FLNB: variants seen among roughly 807,000 people sequenced by gnomAD.
FLNB encodes filamin-B.
A neutral mutation model predicts 250.6 loss-of-function variants in FLNB; 111 were observed. That is an observed-to-expected ratio of 0.44 (90% CI 0.38 to 0.52). FLNB has a LOEUF of 0.52. Among genes scored for constraint, FLNB ranks in the 20% least tolerant of loss-of-function variants. FLNB has a pLI of 0.00. For missense variants in FLNB, 2,869 were observed against 3,447.8 expected (o/e 0.83, Z 4.20); for synonymous variants, 1,302 against 1,372.1 (o/e 0.95, Z 1.13).
At position 58,108,414 on chromosome 3, in the gene FLNB, G is replaced by C. The variant is rs762367643; in HGVS notation, c.1942-44G>C. On this transcript the variant is annotated intron_variant, in intron 12 of 45. Transcript: ENST00000295956. The stretch of plus-strand genomic sequence containing the variant: ...CCTGTCTTTGTATAAGGGTTTAGTT[G>C]GGGCATTACACAGAAAGAGACTTAC... 4.0e-6 allele frequency: 5 copies of C among 1,249,116 alleles called. No homozygotes were observed. The African/African-American group carries it at 4.4e-5, about 11-fold the overall frequency. 77.4% of individuals were successfully genotyped at this position (1,249,116 alleles called of 1,614,324 possible).
chr3:58,034,848 C>T (rs1434640432), intron 1 of FLNB, among the ~76,000 whole-genome samples: 2 of 152,126 alleles, frequency 1.3e-5, no homozygotes, highest in African/African-American at 4.8e-5. Flanking sequence ...CGCAGCCACA[C>T]CCCACACCTC....
chr3:58,030,286 C>T (rs1183933636), intron 1 of FLNB, among the ~76,000 whole-genome samples: 1 of 152,134 alleles, frequency 6.6e-6, no homozygotes, highest in Non-Finnish European at 1.5e-5. Context: ...TGAAAACTGG[C>T]TCACATAGAA....
Position 58,112,198 on chromosome 3 carries a change from T to G in FLNB, c.2625T>G (p.Ala875=). The change falls in exon 18 of 46, where the codon GCT becomes GCG. Residue 875 remains alanine (A), a synonymous_variant. Coordinates refer to ENST00000295956, the MANE Select transcript of FLNB (RefSeq NM_001457.4). The stretch of plus-strand genomic sequence containing the variant: ...ACTTCACTGTCTACACCAAGGGGGC[T>G]GGGAAAGCCCCGCTCAACGTGCAGT... The part of the protein sequence containing the change: ...PTHFTVYTKG[A]GKAPLNVQFN... The G allele has an allele frequency of 6.2e-7, 1 of 1,614,214 alleles. No individual in the cohort carries two copies. Among genetic ancestry groups the G allele is most frequent in the South Asian group, 1.1e-5 (1 of 91,086 alleles).
At chr3:58,028,473 T>C (rs2097126423) in intron 1 of FLNB, among the ~76,000 whole-genome samples, 1 of 151,836 alleles carries the variant, frequency 6.6e-6, no homozygotes, top group Non-Finnish European at 1.5e-5. Flanking sequence ...TAAAGTTGTG[T>C]TGGCTGGGTG....
intron 32 of FLNB, among the ~76,000 whole-genome samples, chr3:58,145,630 T>G (rs1275293569): frequency 6.6e-6 from 1 of 152,186 alleles, no homozygotes; most frequent in Non-Finnish European, 1.5e-5. Flanking sequence ...GTTTCTTCCT[T>G]ATTTGTCAGG....
intron 1 of FLNB, among the ~76,000 whole-genome samples, chr3:58,075,589 G>A (rs952214649): frequency 6.6e-6 from 1 of 152,128 alleles, no homozygotes; most frequent in South Asian, 2.1e-4. Context: ...GTGTGCAGCG[G>A]GAACCCTGGT....
Position 58,106,852 on chromosome 3 carries a change from G to A in FLNB, c.1920G>A (p.Thr640=), listed in dbSNP as rs1176423483. 33 of 1,613,698 alleles carry A rather than the reference G, an allele frequency of 2.0e-5. No homozygotes were observed. Among genetic ancestry groups the A allele is most frequent in the South Asian group, 6.6e-5 (6 of 91,062 alleles). ...ACATGGCCTTCATCCACCCAGCCAC[G>A]GGAGGCTACAACCCTGATCTGGTGA... is the stretch of plus-strand genomic sequence containing the variant. ...SPYMAFIHPA[T]GGYNPDLVRA... The change falls in exon 12 of 46, where the codon ACG becomes ACA. Residue 640 remains threonine, a synonymous_variant. Transcript: ENST00000295956.
rs1026641651 is a variant in FLNB at position 58,076,516 on chromosome 3, G to A, written c.293-530G>A. Among the ~76,000 whole-genome samples the A allele has an allele frequency of 2.0e-5, 3 of 152,142 alleles. 1 individual carries two copies. The highest frequency in any genetic ancestry group is 4.2e-4 in the South Asian group (2 of 4,818). Reference sequence around the variant, plus strand: ...GTTGCCCAGGCTGGAGTGCAGTGGCGTGACGTCAGCTCTCTGCAACTTTCA... The same window carrying A: ...GTTGCCCAGGCTGGAGTGCAGTGGCATGACGTCAGCTCTCTGCAACTTTCA... On this transcript the variant is annotated intron_variant, in intron 1 of 45. Coordinates refer to ENST00000295956, the MANE Select transcript of FLNB (RefSeq NM_001457.4).
chr3:58,053,485 C>T (rs551320435), intron 1 of FLNB, among the ~76,000 whole-genome samples: 9 of 152,146 alleles, frequency 5.9e-5, no homozygotes, highest in African/African-American at 2.2e-4. Context: ...TTTATTGAGA[C>T]GGAGTCTCGC....
intron 43 of FLNB, among the ~76,000 whole-genome samples, chr3:58,168,234 C>T (rs953306974): frequency 3.3e-5 from 5 of 152,200 alleles, no homozygotes; most frequent in Admixed American, 6.5e-5. Context: ...CATGCTCCTC[C>T]TGCCTTGGCC....
intron 1 of FLNB, among the ~76,000 whole-genome samples, chr3:58,046,347 G>A (rs1224161606): frequency 6.6e-6 from 1 of 151,968 alleles, no homozygotes; most frequent in Non-Finnish European, 1.5e-5. Flanking sequence ...CCCAAAACCA[G>A]CTTTACTGAG....
At chr3:58,131,020 TA>T (rs1003047048) in intron 25 of FLNB, 112 bp downstream of exon 25, 35 of 999,028 alleles carry the variant, frequency 3.5e-5, no homozygotes, top group Non-Finnish European at 4.6e-5. Context: ...AAAATTAAAT[TA>T]AAAAAAATTA....
chr3:58,070,952 GT>G (rs530215007), intron 1 of FLNB, among the ~76,000 whole-genome samples: 101 of 139,548 alleles, frequency 7.2e-4, no homozygotes, highest in Non-Finnish European at 7.7e-4. Context: ...TCTCTCTCTT[GT>G]TTTTTTTTTT....
intron 1 of FLNB, among the ~76,000 whole-genome samples, chr3:58,021,924 A>T (rs984593394): frequency 6.6e-6 from 1 of 151,976 alleles, no homozygotes. Flanking sequence ...ACAGGCACAC[A>T]CACCAACACT....
chr3:58,048,817 G>T (rs2097158043), intron 1 of FLNB, among the ~76,000 whole-genome samples: 1 of 152,182 alleles, frequency 6.6e-6, no homozygotes, highest in South Asian at 2.1e-4. Flanking sequence ...GCAGTTAATT[G>T]TTTGTATGTG....
chr3:58,074,910 C>T (rs1033643347), intron 1 of FLNB, among the ~76,000 whole-genome samples: 1 of 151,982 alleles, frequency 6.6e-6, no homozygotes, highest in South Asian at 2.1e-4. Context: ...GTTAGATGAT[C>T]GAGTTTTATT....
At chr3:58,063,381 T>C (rs1208993808) in intron 1 of FLNB, among the ~76,000 whole-genome samples, 2 of 152,130 alleles carry the variant, frequency 1.3e-5, no homozygotes, top group East Asian at 1.9e-4. Flanking sequence ...AGAGCTCTGT[T>C]GGGATTGGGT....
chr3:58,130,803 C>T lies in FLNB; in HGVS notation c.4285C>T (p.Pro1429Ser), dbSNP rs1383469536. The change falls in exon 25 of 46, where the codon CCC (proline) becomes TCC (serine). Residue 1429 changes from proline (P) to serine (S), a missense_variant. By Grantham distance (74) the Pro-to-Ser change is moderately conservative. Coordinates refer to ENST00000295956, the MANE Select transcript of FLNB (RefSeq NM_001457.4). ...VDPSKVKIAG[P>S]GLGSGVRARV... The stretch of plus-strand genomic sequence containing the variant: ...CCCCAGCAAGGTCAAGATTGCCGGC[C>T]CCGGGCTGGGCTCAGGCGTCCGAGC... 1.2e-6 allele frequency: 2 copies of T among 1,613,828 alleles called. No individual in the cohort carries two copies. The highest frequency in any genetic ancestry group is 3.3e-5 in the Admixed American group (2 of 59,990).
At position 58,138,395 on chromosome 3, in the gene FLNB, G is replaced by A. The variant is rs2097320261; in HGVS notation, c.4975G>A (p.Glu1659Lys). 1 of 1,614,240 alleles carries A rather than the reference G, an allele frequency of 6.2e-7. No homozygotes were observed. The highest frequency in any genetic ancestry group is 8.5e-7 in the Non-Finnish European group (1 of 1,180,038). ...CACGGTTCTGACCCCAGATGGCACT[G>A]AGGCCGAGGCCGATGTCATTGAGAA... Reference protein sequence around the residue: ...TCTVLTPDGTEAEADVIENED... With the variant: ...TCTVLTPDGTKAEADVIENED... Residue 1659 changes from glutamate (E) to lysine (K), a missense_variant, in exon 29 of 46, where the codon GAG (glutamate) becomes AAG (lysine). Glu to Lys is a moderately conservative substitution (Grantham distance 56). Around this residue, in one of 5 missense-constraint regions of FLNB, gnomAD observed 1,084 missense variants for 1,315.5 expected, o/e 0.82. Coordinates refer to ENST00000295956, the MANE Select transcript of FLNB (RefSeq NM_001457.4).
Sources: gnomAD v4.1 joint callset for allele counts (sites outside exome capture counted in the v4.1 genomes callset) on GRCh38, gnomAD v4.1.1 for gene constraint, gnomAD v4.1.1 regional missense constraint, MANE v1.5 for transcripts, NCBI Gene and HGNC (gene_info 2026-07-23, HGNC 2026-07-21) for gene names.